Variants in EYS observed in about 807,000 individuals in gnomAD.
EYS encodes EGF-like photoreceptor maintenance factor, also known as protein eyes shut homolog.
EYS carries 250 observed loss-of-function variants against 282.1 expected under a neutral mutation model. That is an observed-to-expected ratio of 0.89 (90% CI 0.80 to 0.98). The LOEUF (loss-of-function observed/expected upper bound fraction) is 0.98, where lower values mean the gene tolerates loss of function less well. EYS is among the 50% of genes least tolerant of loss of function. The probability of loss-of-function intolerance (pLI) is 0.00; values close to 1 mark genes in which losing one functional copy is unlikely to be tolerated. For synonymous variants in EYS, 1,355 were observed against 1,282.9 expected (o/e 1.06, Z -1.20); for missense variants, 4,016 against 3,709.0 (o/e 1.08, Z -2.15).
chr6:63,725,307 T>C (rs1038860517), intron 42 of EYS, among the ~76,000 whole-genome samples: 4 of 152,008 alleles, frequency 2.6e-5, no homozygotes, highest in Admixed American at 2.6e-4. Flanking sequence ...GTGTATGAGC[T>C]TTATATTTCA....
At chr6:65,181,964 A>C (rs1310267223) in intron 12 of EYS, among the ~76,000 whole-genome samples, 1 of 152,056 alleles carries the variant, frequency 6.6e-6, no homozygotes, top group Non-Finnish European at 1.5e-5. Flanking sequence ...AAGGACAAAA[A>C]AACAAACACC....
intron 35 of EYS, among the ~76,000 whole-genome samples, chr6:63,901,802 T>C (rs1464851420): frequency 2.0e-5 from 3 of 152,204 alleles, no homozygotes; most frequent in Non-Finnish European, 4.4e-5. Flanking sequence ...ATATTTTCAT[T>C]AGACTTACTG....
intron 13 of EYS, among the ~76,000 whole-genome samples, chr6:64,999,043 A>G (rs1771368967): frequency 6.6e-6 from 1 of 151,234 alleles, no homozygotes; most frequent in Non-Finnish European, 1.5e-5. Context: ...CTGGAAACAG[A>G]TTGTTAAAAA....
chr6:65,074,999 A>G (rs918983798), intron 12 of EYS, among the ~76,000 whole-genome samples: 4 of 152,254 alleles, frequency 2.6e-5, no homozygotes, highest in African/African-American at 9.6e-5. Context: ...ATGATGTAAT[A>G]CAAGTAGTCA....
chr6:63,774,273 A>G (rs918624496), intron 40 of EYS, among the ~76,000 whole-genome samples: 6 of 151,684 alleles, frequency 4.0e-5, no homozygotes, highest in Non-Finnish European at 8.8e-5. Context: ...GGTTCAAGCG[A>G]TTCTCCTGCC....
chr6:64,067,534 A>T (rs1302268383), intron 32 of EYS, among the ~76,000 whole-genome samples: 1 of 152,152 alleles, frequency 6.6e-6, no homozygotes, highest in African/African-American at 2.4e-5. Context: ...CAGTCCCAAA[A>T]CAGGTAATTA....
chr6:65,222,554 C>T (rs966689596), intron 12 of EYS, among the ~76,000 whole-genome samples: 2 of 152,150 alleles, frequency 1.3e-5, no homozygotes, highest in Non-Finnish European at 2.9e-5. Flanking sequence ...CTCAGTATGT[C>T]TTTATTAGTA....
intron 33 of EYS, among the ~76,000 whole-genome samples, chr6:64,002,876 AT>A (rs1768163869): frequency 6.6e-6 from 1 of 152,002 alleles, no homozygotes; most frequent in Admixed American, 6.6e-5. Flanking sequence ...GCTTATTTGT[AT>A]TTTCTAAATT....
intron 22 of EYS, among the ~76,000 whole-genome samples, chr6:64,660,369 G>A (rs1388230110): frequency 6.6e-6 from 1 of 151,742 alleles, no homozygotes; most frequent in Non-Finnish European, 1.5e-5. Flanking sequence ...TCAACATAGT[G>A]TTGGAAGTTC....
intron 15 of EYS, among the ~76,000 whole-genome samples, chr6:64,935,934 A>G (rs1030474782): frequency 1.3e-5 from 2 of 151,618 alleles, no homozygotes; most frequent in East Asian, 3.9e-4. Context: ...AAAATTCTTA[A>G]CATGTTCTAT....
At chr6:65,049,001 A>C (rs1369440303) in intron 13 of EYS, among the ~76,000 whole-genome samples, 1 of 151,860 alleles carries the variant, frequency 6.6e-6, no homozygotes. Flanking sequence ...CACAAAAAGA[A>C]AAGTAACCAC....
At chr6:64,672,997 A>T (rs1400550465) in intron 22 of EYS, among the ~76,000 whole-genome samples, 1 of 152,190 alleles carries the variant, frequency 6.6e-6, no homozygotes, top group Non-Finnish European at 1.5e-5. Flanking sequence ...TTCCTTTTCA[A>T]CTTCCGCATA....
intron 2 of EYS, among the ~76,000 whole-genome samples, chr6:65,598,062 T>C (rs189550): frequency 0.23 from 34,338 of 151,768 alleles, 3,941 homozygotes; most frequent in South Asian, 0.32. Context: ...ATCCGGCCAC[T>C]GCACTCTAAA....
At chr6:64,966,313 A>G (rs1770093038) in intron 14 of EYS, among the ~76,000 whole-genome samples, 1 of 152,194 alleles carries the variant, frequency 6.6e-6, no homozygotes, top group African/African-American at 2.4e-5. Context: ...GTCAAAATCT[A>G]GAAAGAAATT....
chr6:64,199,014 C>T (rs556038069), intron 31 of EYS, among the ~76,000 whole-genome samples: 1 of 152,130 alleles, frequency 6.6e-6, no homozygotes, highest in African/African-American at 2.4e-5. Flanking sequence ...TTAATGATCA[C>T]CATTCTAACT....
At chr6:64,302,472 A>C (rs1049105200) in intron 30 of EYS, among the ~76,000 whole-genome samples, 7 of 152,182 alleles carry the variant, frequency 4.6e-5, no homozygotes, top group African/African-American at 1.7e-4. Flanking sequence ...CTTCCTGGAG[A>C]GTCCACCTGA....
At chr6:65,561,943 T>A (rs1297447704) in intron 2 of EYS, among the ~76,000 whole-genome samples, 1 of 151,612 alleles carries the variant, frequency 6.6e-6, no homozygotes, top group African/African-American at 2.4e-5. Context: ...AAATACAGTA[T>A]TTTAATGTAA....
At chr6:64,292,995 A>T (rs1768770521) in intron 30 of EYS, among the ~76,000 whole-genome samples, 1 of 152,086 alleles carries the variant, frequency 6.6e-6, no homozygotes, top group Non-Finnish European at 1.5e-5. Context: ...ACAGTTCTAT[A>T]TGATCGTTTC....
chr6:64,557,009 T>C (rs1765253727), intron 26 of EYS, among the ~76,000 whole-genome samples: 1 of 151,924 alleles, frequency 6.6e-6, no homozygotes, highest in Non-Finnish European at 1.5e-5. Flanking sequence ...GTAACTACAA[T>C]ATGCAATTAT....
Sources: allele counts gnomAD v4.1 joint callset (sites outside exome capture counted in the v4.1 genomes callset), GRCh38; gene constraint gnomAD v4.1.1; transcripts MANE v1.5; gene names NCBI Gene and HGNC (gene_info 2026-07-23, HGNC 2026-07-21).